CACNA2D3: variants seen among roughly 807,000 people sequenced by gnomAD.
The protein encoded by CACNA2D3 is calcium voltage-gated channel auxiliary subunit alpha2delta 3.
A neutral mutation model predicts 160.6 loss-of-function variants in CACNA2D3; 60 were observed. The observed-to-expected ratio is 0.37, with a 90% CI of 0.30 to 0.46. The LOEUF is 0.46. CACNA2D3 is among the 20% of genes least tolerant of loss of function. The probability of loss-of-function intolerance (pLI) is 1.00; values close to 1 mark genes in which losing one functional copy is unlikely to be tolerated. For missense variants in CACNA2D3, 1,205 were observed against 1,365.0 expected (o/e 0.88, Z 1.85); for synonymous variants, 558 against 492.9 (o/e 1.13, Z -1.75).
intron 2 of CACNA2D3, among the ~76,000 whole-genome samples, chr3:54,228,029 C>G (rs544637979): frequency 1.3e-5 from 2 of 152,238 alleles, no homozygotes; most frequent in East Asian, 3.9e-4. Context: ...TGGTCTCGGT[C>G]CAGCAGAGCT....
At chr3:54,207,703 G>C (rs1701298393) in intron 2 of CACNA2D3, among the ~76,000 whole-genome samples, 1 of 152,100 alleles carries the variant, frequency 6.6e-6, no homozygotes, top group Non-Finnish European at 1.5e-5. Context: ...TATGGGGAGT[G>C]GGCCATGGAG....
intron 5 of CACNA2D3, among the ~76,000 whole-genome samples, chr3:54,557,722 A>C (rs958385469): frequency 6.6e-6 from 1 of 152,144 alleles, no homozygotes; most frequent in Non-Finnish European, 1.5e-5. Flanking sequence ...GAGTCACAAT[A>C]ATCGTTATCA....
chr3:54,185,829 C>G (rs867893953), intron 2 of CACNA2D3, among the ~76,000 whole-genome samples: 2 of 152,210 alleles, frequency 1.3e-5, no homozygotes, highest in Admixed American at 6.5e-5. Flanking sequence ...ATGACCTGGT[C>G]TGCTGATCAC....
chr3:54,747,015 C>A (rs563602856), intron 11 of CACNA2D3, among the ~76,000 whole-genome samples: 11 of 152,222 alleles, frequency 7.2e-5, no homozygotes, highest in African/African-American at 2.6e-4. Context: ...TTTTTAACCA[C>A]CCACTGGATT....
At chr3:54,488,709 G>A (rs191345309) in intron 4 of CACNA2D3, among the ~76,000 whole-genome samples, 79 of 152,248 alleles carry the variant, frequency 5.2e-4, no homozygotes, top group Admixed American at 4.0e-3. Flanking sequence ...TCTGTACTCT[G>A]TATTGTATTA....
chr3:54,920,907 G>A (rs1371352337), intron 27 of CACNA2D3, among the ~76,000 whole-genome samples: 1 of 152,150 alleles, frequency 6.6e-6, no homozygotes, highest in African/African-American at 2.4e-5. Context: ...GGGAGCCACA[G>A]CCTCTGGACC....
intron 2 of CACNA2D3, among the ~76,000 whole-genome samples, chr3:54,183,853 C>T (rs955079643): frequency 2.3e-5 from 3 of 129,454 alleles, no homozygotes; most frequent in East Asian, 2.5e-4. Context: ...CCACTGCACT[C>T]GAGCCTCAGC....
At chr3:54,973,165 C>T (rs759507116) in intron 29 of CACNA2D3, among the ~76,000 whole-genome samples, 3 of 152,014 alleles carry the variant, frequency 2.0e-5, no homozygotes, top group Non-Finnish European at 4.4e-5. Flanking sequence ...AAGCAGAGAA[C>T]ACCACTGTAG....
intron 11 of CACNA2D3, among the ~76,000 whole-genome samples, chr3:54,658,912 C>G (rs577985440): frequency 3.6e-4 from 55 of 152,192 alleles, no homozygotes; most frequent in African/African-American, 1.3e-3. Flanking sequence ...TCTGCGCAGC[C>G]CACTGTTCTC....
chr3:54,322,122 G>A lies in CACNA2D3; in HGVS notation c.321+1564G>A, dbSNP rs183730393. 1.2e-4 allele frequency among the ~76,000 whole-genome samples: 18 copies of A among 152,280 alleles called. No homozygotes were observed. The East Asian group carries it at 3.1e-3, about 26-fold the overall frequency. On this transcript the variant is annotated intron_variant, in intron 3 of 37. Transcript: ENST00000474759. ...GCATTGGGAGTGGAAGGAGGAGGGG[G>A]CCATGCAGCATGCTGCCTTGACACA...
chr3:54,644,522 G>A (rs1458375444), intron 11 of CACNA2D3, among the ~76,000 whole-genome samples: 1 of 152,188 alleles, frequency 6.6e-6, no homozygotes, highest in Non-Finnish European at 1.5e-5. Flanking sequence ...GATGAGCAAT[G>A]TCTGAGCAGT....
chr3:54,352,132 A>C (rs749530081), intron 3 of CACNA2D3, among the ~76,000 whole-genome samples: 1 of 152,170 alleles, frequency 6.6e-6, no homozygotes, highest in Non-Finnish European at 1.5e-5. Context: ...ACTTGGCACA[A>C]TGGAAAGTCA....
chr3:54,297,135 T>C (rs923193576), intron 2 of CACNA2D3, among the ~76,000 whole-genome samples: 2 of 152,238 alleles, frequency 1.3e-5, no homozygotes, highest in African/African-American at 4.8e-5. Context: ...AATCTTTCCC[T>C]TCTACAAGCC....
At chr3:54,992,896 G>C (rs1702774104) in intron 31 of CACNA2D3, among the ~76,000 whole-genome samples, 1 of 152,162 alleles carries the variant, frequency 6.6e-6, no homozygotes, top group South Asian at 2.1e-4. Flanking sequence ...GGAGGCCTCA[G>C]GAGACTTACA....
chr3:54,671,303 C>G (rs921841462), intron 11 of CACNA2D3, among the ~76,000 whole-genome samples: 4 of 151,866 alleles, frequency 2.6e-5, no homozygotes, highest in Admixed American at 2.6e-4. Flanking sequence ...GTCTGTACTC[C>G]TACCCTTTGC....
chr3:55,018,323 C>A lies in CACNA2D3; in HGVS notation c.2987+6C>A. ...GCTTGTGAAGACTGCTCCAAGTAAG[C>A]CATCCCCCCACCCTCTAACCCCCTA... On this transcript the variant is annotated splice_donor_region_variant and intron_variant, in intron 35 of 37. Coordinates refer to ENST00000474759, the MANE Select transcript of CACNA2D3 (RefSeq NM_018398.3). The A allele has an allele frequency of 2.6e-6, 4 of 1,555,718 alleles. No individual in the cohort carries two copies. The highest frequency in any genetic ancestry group is 3.5e-6 in the Non-Finnish European group (4 of 1,128,152).
intron 3 of CACNA2D3, among the ~76,000 whole-genome samples, chr3:54,355,877 A>T (rs1193170540): frequency 6.6e-6 from 1 of 152,192 alleles, no homozygotes; most frequent in Non-Finnish European, 1.5e-5. Flanking sequence ...TGGAGACTTC[A>T]TAGTGCAAAG....
intron 4 of CACNA2D3, among the ~76,000 whole-genome samples, chr3:54,500,506 TTCCTTCCTTC>T (rs1701272358): frequency 1.2e-5 from 1 of 84,524 alleles, no homozygotes; most frequent in African/African-American, 4.5e-5. Flanking sequence ...CCTTCCTATC[TTCCTTCCTTC>T]CTTCCTTCCT....
At chr3:54,829,044 G>A (rs1291944025) in intron 14 of CACNA2D3, among the ~76,000 whole-genome samples, 1 of 152,146 alleles carries the variant, frequency 6.6e-6, no homozygotes, top group Admixed American at 6.5e-5. Context: ...CAAACCTTAA[G>A]ATTATCACTA....
Sources: allele counts gnomAD v4.1 joint callset (sites outside exome capture counted in the v4.1 genomes callset), GRCh38; gene constraint gnomAD v4.1.1; transcripts MANE v1.5; gene names NCBI Gene and HGNC (gene_info 2026-07-23, HGNC 2026-07-21).